PHACTR1: variants seen among roughly 807,000 people sequenced by gnomAD.
PHACTR1 encodes the protein phosphatase and actin regulator 1.
In PHACTR1, 16 loss-of-function variants were observed where a neutral mutation model predicts 69.2. The ratio of observed to expected loss-of-function variants is 0.23; its 90% CI spans 0.16 to 0.35. The LOEUF is 0.35. Among genes scored for constraint, PHACTR1 ranks in the 10% least tolerant of loss-of-function variants. The pLI is 1.00. For missense variants in PHACTR1, 510 were observed against 734.7 expected (o/e 0.69, Z 3.54); for synonymous variants, 312 against 284.5 (o/e 1.10, Z -0.97).
At chr6:12,779,301 C>T (rs572059020) in intron 4 of PHACTR1, among the ~76,000 whole-genome samples, 1 of 152,250 alleles carries the variant, frequency 6.6e-6, no homozygotes, top group African/African-American at 2.4e-5. Flanking sequence ...CGCCATTGCA[C>T]TCCAGCCTGG....
intron 4 of PHACTR1, among the ~76,000 whole-genome samples, chr6:12,883,257 A>G (rs1044113116): frequency 6.6e-6 from 1 of 152,126 alleles, no homozygotes; most frequent in African/African-American, 2.4e-5. Flanking sequence ...TCTATCACCC[A>G]GGCTGGAGTG....
intron 10 of PHACTR1, among the ~76,000 whole-genome samples, chr6:13,264,198 C>T (rs1776299442): frequency 1.3e-5 from 2 of 152,182 alleles, no homozygotes; most frequent in Non-Finnish European, 2.9e-5. Context: ...AATCTACATG[C>T]AACCCACTCT....
chr6:12,864,628 T>C (rs1781274004), intron 4 of PHACTR1, among the ~76,000 whole-genome samples: 1 of 150,064 alleles, frequency 6.7e-6, no homozygotes, highest in Non-Finnish European at 1.5e-5. Context: ...TGCAGTGAGC[T>C]GAGATTGCGC....
At chr6:12,907,861 TTG>T (rs1315567615) in intron 4 of PHACTR1, among the ~76,000 whole-genome samples, 1 of 152,194 alleles carries the variant, frequency 6.6e-6, no homozygotes, top group Non-Finnish European at 1.5e-5. Context: ...TCCATGAGTT[TTG>T]TTCTACCTTG....
At chr6:13,237,794 A>G (rs540403861) in intron 10 of PHACTR1, among the ~76,000 whole-genome samples, 1 of 152,378 alleles carries the variant, frequency 6.6e-6, no homozygotes, top group African/African-American at 2.4e-5. Context: ...GCTAGATGGT[A>G]AAGCCTATTG....
intron 4 of PHACTR1, among the ~76,000 whole-genome samples, chr6:12,944,777 A>ATTTTTTTTTTTT (rs757721726): frequency 1.4e-4 from 19 of 135,826 alleles, no homozygotes; most frequent in African/African-American, 4.9e-4. Context: ...TTATTTATTT[A>ATTTTTTTTTTTT]TTTTTATTTA....
chr6:13,047,377 CAAAAAAAAAAAA>C (rs35293642), intron 4 of PHACTR1, among the ~76,000 whole-genome samples: 6 of 54,792 alleles, frequency 1.1e-4, no homozygotes, highest in Non-Finnish European at 1.9e-4. Context: ...AACCCTGTCT[CAAAAAAAAAAAA>C]AAAAAAAAAA....
At chr6:12,967,178 C>T (rs2087597045) in intron 4 of PHACTR1, among the ~76,000 whole-genome samples, 2 of 152,126 alleles carry the variant, frequency 1.3e-5, no homozygotes, top group African/African-American at 4.8e-5. Context: ...GCAAATGTTT[C>T]ATCTTCATAT....
chr6:13,138,791 T>C (rs962811558), intron 5 of PHACTR1, among the ~76,000 whole-genome samples: 4 of 152,330 alleles, frequency 2.6e-5, no homozygotes, highest in South Asian at 4.1e-4. Flanking sequence ...GAGCCTTCGA[T>C]TGTATGTTCA....
intron 4 of PHACTR1, among the ~76,000 whole-genome samples, chr6:12,946,805 ATTT>A (rs11412388): frequency 4.7e-5 from 4 of 85,218 alleles, no homozygotes; most frequent in Non-Finnish European, 6.5e-5. Flanking sequence ...ATGGTGCTGG[ATTT>A]TTTTTTTTTT....
intron 5 of PHACTR1, among the ~76,000 whole-genome samples, chr6:13,144,449 AC>A (rs1016941922): frequency 3.9e-5 from 6 of 152,222 alleles, no homozygotes; most frequent in African/African-American, 1.4e-4. Flanking sequence ...GTTTTTAGTC[AC>A]ATAAAAATAA....
chr6:12,973,123 T>C (rs1794436792), intron 4 of PHACTR1, among the ~76,000 whole-genome samples: 1 of 152,140 alleles, frequency 6.6e-6, no homozygotes, highest in Non-Finnish European at 1.5e-5. Context: ...CCTTCTGCCA[T>C]GTAAGGTACC....
chr6:12,938,288 G>A lies in PHACTR1; in HGVS notation c.251-115077G>A, dbSNP rs924138497. Reference sequence around the variant, plus strand: ...TAACTCACCAAAGGTTACACAGATAGTGCATAGTGAAACCTACAGAGCCAG... The same window carrying A: ...TAACTCACCAAAGGTTACACAGATAATGCATAGTGAAACCTACAGAGCCAG... On this transcript the variant is annotated intron_variant, in intron 4 of 14. Coordinates refer to ENST00000332995, the MANE Select transcript of PHACTR1 (RefSeq NM_030948.6). 4.6e-5 allele frequency among the ~76,000 whole-genome samples: 7 copies of A among 152,130 alleles called. No individual in the cohort carries two copies. The South Asian group carries it at 6.2e-4, about 13-fold the overall frequency.
At chr6:12,886,014 G>T (rs1050182604) in intron 4 of PHACTR1, among the ~76,000 whole-genome samples, 1 of 152,178 alleles carries the variant, frequency 6.6e-6, no homozygotes, top group African/African-American at 2.4e-5. Flanking sequence ...AGAATGGCTT[G>T]AACCCAGGAG....
At chr6:13,230,469 C>A (rs1770683985) in intron 10 of PHACTR1, 1 of 514,056 alleles carries the variant, frequency 1.9e-6, no homozygotes, top group Non-Finnish European at 3.1e-6. Flanking sequence ...TTGCTTGAAT[C>A]TGGGAGGTGT....
At chr6:12,974,648 G>A (rs914446924) in intron 4 of PHACTR1, among the ~76,000 whole-genome samples, 3 of 152,152 alleles carry the variant, frequency 2.0e-5, no homozygotes, top group Admixed American at 6.5e-5. Flanking sequence ...ACTCAATTGC[G>A]GTGCCTTTCA....
At chr6:13,212,174 AC>A (rs1766955221) in intron 8 of PHACTR1, among the ~76,000 whole-genome samples, 1 of 151,856 alleles carries the variant, frequency 6.6e-6, no homozygotes, top group South Asian at 2.1e-4. Context: ...TAACTCCCTC[AC>A]CTCTTTAAAG....
intron 4 of PHACTR1, among the ~76,000 whole-genome samples, chr6:13,012,754 A>C (rs1272049157): frequency 6.6e-6 from 1 of 152,228 alleles, no homozygotes; most frequent in Non-Finnish European, 1.5e-5. Context: ...CTAAAAGGTG[A>C]TATCGGACTG....
At position 13,208,786 on chromosome 6, in the gene PHACTR1, A is replaced by T. The variant is rs62386660; in HGVS notation, c.986+2650A>T. 1.2e-3 allele frequency among the ~76,000 whole-genome samples: 186 copies of T among 152,312 alleles called. 1 individual carries two copies. The highest frequency in any genetic ancestry group is 2.2e-3 in the Admixed American group (33 of 15,296). On this transcript the variant is annotated intron_variant, in intron 8 of 14. Transcript: ENST00000332995. ...ACCATATTAAAAGGTTCAATTAAAG[A>T]TGCTAACTGACAAGTTTTATAATAT... is the stretch of plus-strand genomic sequence containing the variant.
Sources: allele counts gnomAD v4.1 joint callset (sites outside exome capture counted in the v4.1 genomes callset), GRCh38; gene constraint gnomAD v4.1.1; transcripts MANE v1.5; gene names NCBI Gene and HGNC (gene_info 2026-07-23, HGNC 2026-07-21).